Variants in TOMM70 observed in about 807,000 individuals in gnomAD.
The protein encoded by TOMM70 is mitochondrial import receptor subunit TOM70.
Under a neutral mutation model 73.6 loss-of-function variants are expected in TOMM70, and 13 were observed. The observed-to-expected ratio is 0.18, with a 90% CI of 0.11 to 0.28. The LOEUF (loss-of-function observed/expected upper bound fraction) is 0.28. Ranked by LOEUF, TOMM70 falls within the 10% of genes least tolerant of loss-of-function variation. TOMM70 has a pLI of 1.00. For missense variants in TOMM70, 609 were observed against 747.5 expected, an observed-to-expected ratio of 0.81 and a Z score of 2.16; for synonymous variants, 257 against 271.2, an observed-to-expected ratio of 0.95 and a Z score of 0.51.
At chr3:100,383,524 A>AC (rs1199231115) in intron 4 of TOMM70, among the ~76,000 whole-genome samples, 8 of 103,000 alleles carry the variant, frequency 7.8e-5, no homozygotes, top group Middle Eastern at 4.1e-3. Flanking sequence ...AAAACAAACA[A>AC]AAAAAAAAAA....
At chr3:100,383,994 C>T (rs1057157582) in intron 4 of TOMM70, among the ~76,000 whole-genome samples, 1 of 152,274 alleles carries the variant, frequency 6.6e-6, no homozygotes, top group African/African-American at 2.4e-5. Flanking sequence ...ATTAAACTAC[C>T]TGTTAATAAT....
chr3:100,378,191 C>T (rs770756278), intron 5 of TOMM70, among the ~76,000 whole-genome samples: 5 of 151,044 alleles, frequency 3.3e-5, no homozygotes, highest in Admixed American at 6.6e-5. Context: ...TGCAGTGAGC[C>T]GAGATGGTGC....
Position 100,386,967 on chromosome 3 carries a change from A to G in TOMM70, c.336T>C (p.Asp112=). The G allele has an allele frequency of 6.2e-7, 1 of 1,613,510 alleles. No homozygotes were observed. Among genetic ancestry groups the G allele is most frequent in the Non-Finnish European group, 8.5e-7 (1 of 1,179,862 alleles). The change falls in exon 2 of 12, where the codon GAT becomes GAC. Residue 112 remains aspartate (D), a synonymous_variant. Coordinates refer to ENST00000284320, the MANE Select transcript of TOMM70 (RefSeq NM_014820.5). ...CTTTATTCTTGGCTGCTTGGGCTCT[A>G]TCAAGAGAGTTCTGAAATGAGAGGA... ...PGAHLDMNSL[D]RAQAAKNKGN... is the part of the protein sequence containing the mutation.
intron 1 of TOMM70, among the ~76,000 whole-genome samples, chr3:100,388,717 A>T (rs556012736): frequency 6.6e-6 from 1 of 152,350 alleles, no homozygotes; most frequent in African/African-American, 2.4e-5. Flanking sequence ...AGGATATACC[A>T]AGCAAACAAA....
chr3:100,369,484 T>C (rs944237307), intron 9 of TOMM70, among the ~76,000 whole-genome samples: 9 of 150,676 alleles, frequency 6.0e-5, no homozygotes, highest in Non-Finnish European at 1.2e-4. Context: ...TTTATCATAA[T>C]ACAGCCCAAG....
Position 100,400,745 on chromosome 3 carries a change from T to C in TOMM70, c.205A>G (p.Arg69Gly). 3 of 1,601,392 alleles carry C rather than the reference T, an allele frequency of 1.9e-6. No homozygotes were observed. The highest frequency in any genetic ancestry group is 2.6e-6 in the Non-Finnish European group (3 of 1,176,382). Reference protein sequence around the residue: ...WSRQQRRREARGRGDASGLKR... With the variant: ...WSRQQRRREAGGRGDASGLKR... ...AGGCCGCTGGCGTCGCCCCGGCCTC[T>C]GGCCTCCCGGCGCCGTTGCTGCCGA... Residue 69 changes from arginine to glycine, a missense_variant, in exon 1 of 12, where the codon AGA (arginine) becomes GGA (glycine). Arg to Gly is a moderately radical substitution (Grantham distance 125). Around this residue, in one of 2 missense-constraint regions of TOMM70, gnomAD observed 177 missense variants for 163.5 expected, o/e 1.08. Coordinates refer to ENST00000284320, the MANE Select transcript of TOMM70 (RefSeq NM_014820.5).
At chr3:100,383,530 A>C (rs551897181) in intron 4 of TOMM70, among the ~76,000 whole-genome samples, 7 of 151,972 alleles carry the variant, frequency 4.6e-5, no homozygotes, top group East Asian at 1.9e-4. Flanking sequence ...AACAAAAAAA[A>C]AAAAAACAGA....
intron 9 of TOMM70, among the ~76,000 whole-genome samples, chr3:100,370,039 C>T (rs1706491413): frequency 6.6e-6 from 1 of 151,616 alleles, no homozygotes; most frequent in Admixed American, 6.6e-5. Flanking sequence ...TTATATTTAG[C>T]TGTATGGCTC....
chr3:100,393,583 C>T (rs1453190105), intron 1 of TOMM70, among the ~76,000 whole-genome samples: 3 of 152,088 alleles, frequency 2.0e-5, no homozygotes, highest in African/African-American at 7.2e-5. Flanking sequence ...CCACTTGTAC[C>T]ACAAAAGATA....
At chr3:100,379,404 A>G (rs946022311) in intron 5 of TOMM70, among the ~76,000 whole-genome samples, 7 of 152,104 alleles carry the variant, frequency 4.6e-5, no homozygotes, top group African/African-American at 1.7e-4. Context: ...TGGGAGGATC[A>G]CCTGGGCCCA....
In TOMM70 at chr3:100,368,928, G is replaced by A. The variant is rs1358064057; in HGVS notation, c.1550+110C>T. 3 of 729,554 alleles carry A rather than the reference G, an allele frequency of 4.1e-6. No homozygotes were observed. In the African/African-American group the frequency reaches 5.3e-5, roughly 13 times the overall value. The allele number at this position is 729,554 out of a possible 1,614,324, so 45.2% of individuals were successfully genotyped here. On this transcript the variant is annotated intron_variant, in intron 10 of 11. Transcript: ENST00000284320. ...GACATCTAGGAGCATTAAGAAGTTTGTCAATTAACTTCTCTACCACAGTCC... is the reference window on the plus strand; with the variant it reads ...GACATCTAGGAGCATTAAGAAGTTTATCAATTAACTTCTCTACCACAGTCC...
At chr3:100,367,469 G>A (rs1224068283) in intron 11 of TOMM70, among the ~76,000 whole-genome samples, 1 of 152,142 alleles carries the variant, frequency 6.6e-6, no homozygotes, top group Non-Finnish European at 1.5e-5. Flanking sequence ...GGCTTACTGT[G>A]CAACCTTGTA....
chr3:100,388,251 A>G (rs10936180), intron 1 of TOMM70, among the ~76,000 whole-genome samples: 20 of 152,078 alleles, frequency 1.3e-4, no homozygotes, highest in African/African-American at 4.8e-4. Flanking sequence ...ACCCACAATA[A>G]AGCAAAACTA....
At chr3:100,380,939 T>C (rs1449170791) in intron 5 of TOMM70, among the ~76,000 whole-genome samples, 3 of 152,224 alleles carry the variant, frequency 2.0e-5, no homozygotes, top group African/African-American at 7.2e-5. Flanking sequence ...GTATTTCCTT[T>C]TCTTCCTAAC....
chr3:100,386,986 G>T lies in TOMM70; in HGVS notation c.325-8C>A. 6.2e-7 allele frequency: 1 copy of T among 1,611,164 alleles called. No homozygotes were observed. Among genetic ancestry groups the T allele is most frequent in the Non-Finnish European group, 8.5e-7 (1 of 1,179,106 alleles). ...GGCTCTATCAAGAGAGTTCTGAAAT[G>T]AGAGGAAACAATTATCAAACACTAA... On this transcript the variant is annotated splice_polypyrimidine_tract_variant and splice_region_variant and intron_variant, in intron 1 of 11. Transcript: ENST00000284320.
intron 1 of TOMM70, 141 bp downstream of exon 1, chr3:100,400,485 G>T: frequency 1.1e-6 from 1 of 900,102 alleles, no homozygotes; most frequent in South Asian, 1.5e-5. Flanking sequence ...CTGGCAGCCA[G>T]AAATGAGTCT....
intron 1 of TOMM70, among the ~76,000 whole-genome samples, chr3:100,396,705 C>T (rs1032573168): frequency 1.3e-5 from 2 of 152,098 alleles, no homozygotes; most frequent in African/African-American, 4.8e-5. Context: ...CAAAATGGCA[C>T]ATCATGGTAG....
At chr3:100,372,372 A>G in intron 9 of TOMM70, 2 of 374,782 alleles carry the variant, frequency 5.3e-6, no homozygotes, top group Non-Finnish European at 9.5e-6. Context: ...CAGGAGGGAA[A>G]TTCTCGCCTT....
chr3:100,364,689 A>G lies in TOMM70; in HGVS notation c.*875T>C, dbSNP rs1388590424. 6.6e-6 allele frequency: 1 copy of G among 152,148 alleles called. No homozygotes were observed. The highest frequency in any genetic ancestry group is 1.5e-5 in the Non-Finnish European group (1 of 68,038). 9.4% of individuals were successfully genotyped at this position (152,148 alleles called of 1,614,324 possible). On this transcript the variant is annotated 3_prime_UTR_variant, in exon 12 of 12. Transcript: ENST00000284320. ...AGCCTCTTGCCTCAGCCTCCCTAGTAGCTGAGACTATAAATAGTATATACA... is the reference window on the plus strand; with the variant it reads ...AGCCTCTTGCCTCAGCCTCCCTAGTGGCTGAGACTATAAATAGTATATACA...
Sources: allele counts gnomAD v4.1 joint callset (sites outside exome capture counted in the v4.1 genomes callset), GRCh38; gene constraint gnomAD v4.1.1; regional missense constraint gnomAD v4.1.1; transcripts MANE v1.5; gene names NCBI Gene and HGNC (gene_info 2026-07-23, HGNC 2026-07-21).